AIG1: variants seen among roughly 807,000 people sequenced by gnomAD.
AIG1 encodes androgen induced 1, also known as androgen-induced gene 1 protein.
AIG1 carries 23 observed loss-of-function variants against 31.4 expected under a neutral mutation model. That is an observed-to-expected ratio of 0.73 (90% confidence interval 0.53 to 1.04). AIG1 has a LOEUF of 1.04. AIG1 is among the 50% of genes least tolerant of loss of function. AIG1 has a pLI of 0.00. For missense variants in AIG1, 274 were observed against 295.0 expected (o/e 0.93, Z 0.52); for synonymous variants, 100 against 110.5 (o/e 0.90, Z 0.60).
chr6:143,291,397 G>A lies in AIG1; in HGVS notation c.515+7172G>A, dbSNP rs151245696. 2.3e-3 allele frequency among the ~76,000 whole-genome samples: 356 copies of A among 152,212 alleles called. 1 individual carries two copies. Among genetic ancestry groups the A allele is most frequent in the African/African-American group, 8.3e-3 (345 of 41,528 alleles). On this transcript the variant is annotated intron_variant, in intron 4 of 5. Coordinates refer to ENST00000357847, the MANE Select transcript of AIG1 (RefSeq NM_016108.4). This position sits in a 1 kb window ranked among gnomAD's most constrained non-coding sequence, Gnocchi z 4.2. The stretch of plus-strand genomic sequence containing the variant: ...GGGGTGTTAAAGAGGTCTAGCTGGA[G>A]CCAGCCAGATCCCCCACATAAGGAA...
At chr6:143,339,193 A>C (rs1008262276) in intron 5 of AIG1, 3 of 152,372 alleles carry the variant, frequency 2.0e-5, no homozygotes, top group African/African-American at 7.2e-5. Context: ...ATGGCTTTTT[A>C]AAATCCAAAG....
At chr6:143,188,627 A>G (rs765313653) in intron 3 of AIG1, 22 of 985,046 alleles carry the variant, frequency 2.2e-5, no homozygotes, top group Non-Finnish European at 2.4e-5. Flanking sequence ...ATTTGTATAT[A>G]AAATCTGATT....
Position 143,331,996 on chromosome 6 carries a change from C to A in AIG1, c.516-1286C>A, listed in dbSNP as rs1488987647. On this transcript the variant is annotated intron_variant, in intron 4 of 5. Coordinates refer to ENST00000357847, the MANE Select transcript of AIG1 (RefSeq NM_016108.4). The surrounding 1 kb of genome is among the most constrained non-coding windows in gnomAD (Gnocchi z 4.1). Reference sequence around the variant, plus strand: ...AAGTGATGCTTGTGCCTCAGCCTCCCGAGTAGCTGGGATTACAGGCGCGCA... The same window carrying A: ...AAGTGATGCTTGTGCCTCAGCCTCCAGAGTAGCTGGGATTACAGGCGCGCA... Among the ~76,000 whole-genome samples the A allele has an allele frequency of 6.6e-6, 1 of 151,510 alleles. No homozygotes were observed. Among genetic ancestry groups the A allele is most frequent in the African/African-American group, 2.4e-5 (1 of 41,208 alleles).
chr6:143,065,289 T>C (rs559826865), intron 1 of AIG1, among the ~76,000 whole-genome samples: 14 of 152,216 alleles, frequency 9.2e-5, no homozygotes, highest in Non-Finnish European at 1.8e-4. Flanking sequence ...TGGACAACTT[T>C]GGAAAAACTA....
intron 4 of AIG1, among the ~76,000 whole-genome samples, chr6:143,314,006 C>T (rs1775521542): frequency 6.6e-6 from 1 of 151,512 alleles, no homozygotes; most frequent in African/African-American, 2.4e-5. Context: ...CTACTTATTG[C>T]AATAAGACAA....
rs547453521 is a variant in AIG1, at chr6:143,279,920, T to G, written c.400-4190T>G. Among the ~76,000 whole-genome samples the G allele has an allele frequency of 1.3e-5, 2 of 152,332 alleles. No individual in the cohort carries two copies. Among genetic ancestry groups the G allele is most frequent in the South Asian group, 4.1e-4 (2 of 4,828 alleles). On this transcript the variant is annotated intron_variant, in intron 3 of 5. Coordinates refer to ENST00000357847, the MANE Select transcript of AIG1 (RefSeq NM_016108.4). This position sits in a 1 kb window ranked among gnomAD's most constrained non-coding sequence, Gnocchi z 5.4. ...AGGTTTACTCCTTGGGCTGTCAACC[T>G]TCATTTTACTTAGCTCTTCAAACAA...
chr6:143,230,911 T>C (rs1793398475), intron 3 of AIG1, among the ~76,000 whole-genome samples: 1 of 152,220 alleles, frequency 6.6e-6, no homozygotes, highest in Non-Finnish European at 1.5e-5. Context: ...CATTTGTTGC[T>C]CCTTAAATGT....
At chr6:143,239,057 A>G (rs1174411021) in intron 3 of AIG1, among the ~76,000 whole-genome samples, 6 of 152,212 alleles carry the variant, frequency 3.9e-5, no homozygotes, top group African/African-American at 1.4e-4. Context: ...CACTCATGGC[A>G]GAATTTTTAG....
intron 1 of AIG1, among the ~76,000 whole-genome samples, chr6:143,121,370 T>G (rs1418650924): frequency 2.0e-5 from 3 of 152,254 alleles, no homozygotes; most frequent in South Asian, 4.1e-4. Flanking sequence ...TGCTCTCTGA[T>G]CAAGTTGAAC....
At chr6:143,083,342 T>C (rs1778458660) in intron 1 of AIG1, among the ~76,000 whole-genome samples, 1 of 152,128 alleles carries the variant, frequency 6.6e-6, no homozygotes, top group Admixed American at 6.5e-5. Flanking sequence ...GCCAAACAGA[T>C]AGGGGCTATC....
chr6:143,141,849 A>G (rs1784270875), intron 2 of AIG1, among the ~76,000 whole-genome samples: 1 of 152,130 alleles, frequency 6.6e-6, no homozygotes, highest in Non-Finnish European at 1.5e-5. Flanking sequence ...GGCAGATACC[A>G]TTATGGCTAA....
intron 4 of AIG1, among the ~76,000 whole-genome samples, chr6:143,309,534 A>G (rs946841985): frequency 5.3e-5 from 8 of 152,142 alleles, no homozygotes; most frequent in Non-Finnish European, 5.9e-5. Context: ...GCAGAATCAT[A>G]TAAAATACTC....
chr6:143,253,120 A>T (rs1202715156), intron 3 of AIG1, among the ~76,000 whole-genome samples: 1 of 152,244 alleles, frequency 6.6e-6, no homozygotes, highest in African/African-American at 2.4e-5. Flanking sequence ...GTAGGTTAGA[A>T]GCAAGTCACT....
At chr6:143,222,037 C>T (rs185542136) in intron 3 of AIG1, among the ~76,000 whole-genome samples, 334 of 152,304 alleles carry the variant, frequency 2.2e-3, no homozygotes, top group Admixed American at 5.6e-3. Context: ...AGCAGTTCCT[C>T]GACTCCTGAG....
intron 1 of AIG1, among the ~76,000 whole-genome samples, chr6:143,127,385 T>A (rs188999068): frequency 8.1e-4 from 123 of 152,294 alleles, no homozygotes; most frequent in African/African-American, 2.7e-3. Context: ...AAAATTAACT[T>A]GAAAACATGA....
At chr6:143,234,221 A>G (rs12191886) in intron 3 of AIG1, among the ~76,000 whole-genome samples, 45,416 of 152,078 alleles carry the variant, frequency 0.3, 7,549 homozygotes, top group East Asian at 0.72. Flanking sequence ...GTTAAGTAAA[A>G]CCTTAGGCAA....
intron 3 of AIG1, among the ~76,000 whole-genome samples, chr6:143,252,776 T>C (rs1320148837): frequency 6.6e-6 from 1 of 152,230 alleles, no homozygotes; most frequent in Non-Finnish European, 1.5e-5. Context: ...CAGACAGGCC[T>C]AGCTAGGTCT....
At chr6:143,185,622 A>G (rs936245678) in intron 3 of AIG1, among the ~76,000 whole-genome samples, 1 of 152,100 alleles carries the variant, frequency 6.6e-6, no homozygotes, top group Non-Finnish European at 1.5e-5. Flanking sequence ...CCTCTCCTGT[A>G]GCATCTGTTG....
intron 3 of AIG1, among the ~76,000 whole-genome samples, chr6:143,194,787 C>G (rs1022635332): frequency 6.6e-6 from 1 of 152,256 alleles, no homozygotes; most frequent in African/African-American, 2.4e-5. Context: ...TCACTGTCCC[C>G]GATGCTGTCC....
Sources: allele counts gnomAD v4.1 joint callset (sites outside exome capture counted in the v4.1 genomes callset), GRCh38; gene constraint gnomAD v4.1.1; non-coding constraint Gnocchi (gnomAD v3.1); transcripts MANE v1.5; gene names NCBI Gene and HGNC (gene_info 2026-07-23, HGNC 2026-07-21).